The following WDR47 variants were observed in gnomAD, a reference collection of about 807,000 sequenced individuals.
The protein encoded by WDR47 is WD repeat domain 47.
WDR47 carries 32 observed loss-of-function variants against 97.2 expected under a neutral mutation model. That is an observed-to-expected ratio of 0.33 (90% CI 0.25 to 0.44). WDR47 has a LOEUF of 0.44. Ranked by LOEUF, WDR47 falls within the 20% of genes least tolerant of loss-of-function variation. The probability of loss-of-function intolerance (pLI) is 1.00; values close to 1 mark genes in which losing one functional copy is unlikely to be tolerated. For synonymous variants in WDR47, 375 were observed against 373.5 expected, an observed-to-expected ratio of 1.00 and a Z score of -0.05; for missense variants, 782 against 1,102.3, an observed-to-expected ratio of 0.71 and a Z score of 4.11.
chr1:108,976,404 A>G (rs995987849), intron 13 of WDR47, among the ~76,000 whole-genome samples: 1 of 151,972 alleles, frequency 6.6e-6, no homozygotes, highest in Non-Finnish European at 1.5e-5. Flanking sequence ...GGTGGGAAGA[A>G]TAACTGATTT....
At chr1:108,994,465 TG>T (rs1557929448) in intron 8 of WDR47, among the ~76,000 whole-genome samples, 1 of 152,160 alleles carries the variant, frequency 6.6e-6, no homozygotes, top group East Asian at 1.9e-4. Flanking sequence ...AGCAAAAGGC[TG>T]GGTGTGGTGG....
intron 2 of WDR47, 132 bp from the exon 3 acceptor site, chr1:109,017,733 C>A: frequency 4.3e-6 from 3 of 704,910 alleles, no homozygotes; most frequent in Non-Finnish European, 6.7e-6. Flanking sequence ...TTTGATTCCT[C>A]AAATAAATTT....
At chr1:108,987,432 G>A (rs1317602402) in intron 9 of WDR47, among the ~76,000 whole-genome samples, 1 of 152,038 alleles carries the variant, frequency 6.6e-6, no homozygotes, top group African/African-American at 2.4e-5. Context: ...GGGATTACAG[G>A]TGTGAGCCAC....
intron 10 of WDR47, among the ~76,000 whole-genome samples, chr1:108,984,123 G>T (rs1658575295): frequency 6.6e-6 from 1 of 152,160 alleles, no homozygotes; most frequent in South Asian, 2.1e-4. Context: ...AAAGCATGAG[G>T]TATTTAGTAG....
Position 108,970,489 on chromosome 1 carries a change from G to A in WDR47, c.*941C>T, listed in dbSNP as rs1380815337. The A allele has an allele frequency of 6.6e-6, 1 of 152,508 alleles. No homozygotes were observed. Among genetic ancestry groups the A allele is most frequent in the East Asian group, 1.9e-4 (1 of 5,192 alleles). 9.4% of individuals were successfully genotyped at this position (152,508 alleles called of 1,614,324 possible). On this transcript the variant is annotated 3_prime_UTR_variant, in exon 15 of 15. Coordinates refer to ENST00000369962, the MANE Select transcript of WDR47 (RefSeq NM_001142551.2). ...ATTATTCTGCATTACACAAAACAGT[G>A]CAAGAAAAAAATCCAAATAAGCTTT... is the stretch of plus-strand genomic sequence containing the variant.
At chr1:109,026,326 C>T (rs1662213673) in intron 1 of WDR47, among the ~76,000 whole-genome samples, 2 of 146,702 alleles carry the variant, frequency 1.4e-5, no homozygotes, top group Non-Finnish European at 3.0e-5. Context: ...GTTGGGATTA[C>T]AGGGATGAGC....
chr1:109,012,144 T>A (rs896157336), intron 4 of WDR47, among the ~76,000 whole-genome samples: 9 of 152,118 alleles, frequency 5.9e-5, no homozygotes, highest in Admixed American at 5.2e-4. Flanking sequence ...CGGTAAGAAT[T>A]TTTTTTCTAG....
Position 109,013,842 on chromosome 1 carries a change from T to C in WDR47, c.326A>G (p.His109Arg). 6.2e-7 allele frequency: 1 copy of C among 1,613,608 alleles called. No homozygotes were observed. The highest frequency in any genetic ancestry group is 1.1e-5 in the South Asian group (1 of 90,990). ...AACCTTCAGGAATAAAAATCTTACA[T>C]GCTGGGGCTCATCTTCTGCTGACAT... Reference protein sequence around the residue: ...NAMSAEDEPQHLEFTMQEAVQ... With the variant: ...NAMSAEDEPQRLEFTMQEAVQ... Residue 109 changes from histidine (H) to arginine (R), a missense_variant and splice_region_variant, in exon 4 of 15, where the codon CAT becomes CGT. By Grantham distance (29) the His-to-Arg change is conservative. Transcript: ENST00000369962.
At chr1:108,996,151 T>C (rs1488131834) in intron 7 of WDR47, among the ~76,000 whole-genome samples, 1 of 152,108 alleles carries the variant, frequency 6.6e-6, no homozygotes, top group East Asian at 1.9e-4. Context: ...ACTGCAGCCC[T>C]GGGCTCAAGC....
chr1:109,014,856 A>C (rs1252469344), intron 3 of WDR47, among the ~76,000 whole-genome samples: 1 of 152,200 alleles, frequency 6.6e-6, no homozygotes, highest in East Asian at 1.9e-4. Context: ...AGTGTTTCCA[A>C]GTCTGGAAAG....
At chr1:108,980,651 C>T (rs949343664) in intron 13 of WDR47, among the ~76,000 whole-genome samples, 1 of 151,948 alleles carries the variant, frequency 6.6e-6, no homozygotes, top group Non-Finnish European at 1.5e-5. Context: ...ATCACCTGAA[C>T]CTGGGAGGCA....
chr1:109,017,686 C>A, intron 2 of WDR47, 85 bp from the exon 3 acceptor site: 1 of 974,230 alleles, frequency 1.0e-6, no homozygotes, highest in Non-Finnish European at 1.6e-6. Context: ...AAACAGCATT[C>A]AAACTTCATA....
intron 8 of WDR47, among the ~76,000 whole-genome samples, chr1:108,994,040 A>G (rs1659572160): frequency 2.0e-5 from 3 of 152,220 alleles, no homozygotes. Flanking sequence ...TACTGAAAAT[A>G]AGGGATAGAC....
chr1:109,033,735 A>G (rs1662750926), intron 1 of WDR47, among the ~76,000 whole-genome samples: 1 of 152,228 alleles, frequency 6.6e-6, no homozygotes, highest in Non-Finnish European at 1.5e-5. Flanking sequence ...TCTGGCCAAC[A>G]TGGTAAAACC....
At chr1:108,990,511 A>G (rs1304033596) in intron 9 of WDR47, among the ~76,000 whole-genome samples, 2 of 152,090 alleles carry the variant, frequency 1.3e-5, no homozygotes, top group Admixed American at 6.6e-5. Flanking sequence ...GCCTGGCCTA[A>G]TATTTTTTTT....
At chr1:109,009,650 G>C (rs999792617) in intron 5 of WDR47, among the ~76,000 whole-genome samples, 12 of 152,266 alleles carry the variant, frequency 7.9e-5, no homozygotes, top group African/African-American at 2.6e-4. Context: ...GGTCTTTCAA[G>C]TGGAAAAAGC....
intron 7 of WDR47, among the ~76,000 whole-genome samples, chr1:108,997,999 C>T (rs1378453590): frequency 6.6e-6 from 1 of 151,716 alleles, no homozygotes; most frequent in Non-Finnish European, 1.5e-5. Context: ...AAAATACTTC[C>T]AAAAAAGCAG....
chr1:109,012,572 C>CAAAAAAAAAAAAAAAAA (rs57237933), intron 4 of WDR47, among the ~76,000 whole-genome samples: 804 of 73,778 alleles, frequency 0.011, 50 homozygotes, highest in Middle Eastern at 0.017. Context: ...GACTCCATCT[C>CAAAAAAAAAAAAAAAAA]AAAAAAAAAA....
At chr1:108,998,375 C>T (rs1300350188) in intron 7 of WDR47, among the ~76,000 whole-genome samples, 1 of 151,882 alleles carries the variant, frequency 6.6e-6, no homozygotes, top group Admixed American at 6.6e-5. Flanking sequence ...TGGTGGTGGA[C>T]ACTTGTGGTC....
Sources: allele counts gnomAD v4.1 joint callset (sites outside exome capture counted in the v4.1 genomes callset), GRCh38; gene constraint gnomAD v4.1.1; transcripts MANE v1.5; gene names NCBI Gene and HGNC (gene_info 2026-07-23, HGNC 2026-07-21).